The following UNC13C variants were observed in gnomAD, a reference collection of about 807,000 sequenced individuals.
The protein encoded by UNC13C is unc-13 homolog C.
Under a neutral mutation model 245.4 loss-of-function variants are expected in UNC13C, and 174 were observed. The ratio of observed to expected loss-of-function variants is 0.71; its 90% CI spans 0.63 to 0.80. UNC13C has a LOEUF of 0.80. Ranked by LOEUF, UNC13C falls within the 30% of genes least tolerant of loss-of-function variation. The probability of loss-of-function intolerance (pLI) is 0.00; values close to 1 mark genes in which losing one functional copy is unlikely to be tolerated. For synonymous variants in UNC13C, 992 were observed against 895.1 expected, an observed-to-expected ratio of 1.11 and a Z score of -1.93; for missense variants, 2,829 against 2,602.9, an observed-to-expected ratio of 1.09 and a Z score of -1.89.
intron 30 of UNC13C, among the ~76,000 whole-genome samples, chr15:54,607,861 G>A (rs193192752): frequency 9.2e-5 from 14 of 152,236 alleles, no homozygotes; most frequent in South Asian, 4.1e-4. Context: ...CCTCCCACCC[G>A]TTCCCTCCCC....
rs544611904 is a variant in UNC13C, at chr15:54,343,895, A to G, written c.4713+5406A>G. 4.1e-3 allele frequency among the ~76,000 whole-genome samples: 621 copies of G among 152,132 alleles called. 2 individuals carry two copies. The highest frequency in any genetic ancestry group is 8.9e-3 in the South Asian group (43 of 4,810). On this transcript the variant is annotated intron_variant, in intron 17 of 32. Transcript: ENST00000260323. The stretch of plus-strand genomic sequence containing the variant: ...TTACTAAGAGTTAACATTTGGGGTA[A>G]GGGGGGGTCCTGGCTAACAGATCTG...
At chr15:54,379,085 A>G (rs2039666021) in intron 17 of UNC13C, among the ~76,000 whole-genome samples, 1 of 152,092 alleles carries the variant, frequency 6.6e-6, no homozygotes, top group East Asian at 1.9e-4. Context: ...TTAGCTTTTG[A>G]TAATTACTCT....
At chr15:54,151,613 A>C (rs570175835) in intron 4 of UNC13C, among the ~76,000 whole-genome samples, 6 of 152,122 alleles carry the variant, frequency 3.9e-5, no homozygotes, top group Non-Finnish European at 7.4e-5. Context: ...CAAGTTGCCC[A>C]GGGTGGTTTT....
chr15:54,322,215 C>A (rs73415703), intron 14 of UNC13C, 120 bp downstream of exon 14: 13,882 of 920,248 alleles, frequency 0.015, 181 homozygotes, highest in African/African-American at 0.038. Context: ...TAGGGAATAG[C>A]GTAATGGGTT....
At chr15:54,063,863 A>G (rs1897028) in intron 2 of UNC13C, among the ~76,000 whole-genome samples, 22,680 of 152,120 alleles carry the variant, frequency 0.15, 1,813 homozygotes, top group South Asian at 0.22. Flanking sequence ...GAAGGAGGGG[A>G]AAGGGCCATT....
chr15:53,941,647 T>G, the UNC13C span, among the ~76,000 whole-genome samples: 9 of 151,754 alleles, frequency 5.9e-5, no homozygotes, highest in Non-Finnish European at 1.3e-4. Context: ...GGAAGAAAAT[T>G]TGTGTAATCT....
the UNC13C span, among the ~76,000 whole-genome samples, chr15:53,879,151 T>G: frequency 6.6e-6 from 1 of 152,190 alleles, no homozygotes; most frequent in African/African-American, 2.4e-5. Context: ...CGATATTAAT[T>G]CATTCATTCA....
intron 18 of UNC13C, among the ~76,000 whole-genome samples, chr15:54,408,125 C>A (rs1249208045): frequency 7.3e-6 from 1 of 137,810 alleles, no homozygotes; most frequent in Non-Finnish European, 1.5e-5. Flanking sequence ...GGCATGAACC[C>A]GAGAGGCGGA....
intron 12 of UNC13C, among the ~76,000 whole-genome samples, chr15:54,299,764 G>T (rs1265904364): frequency 1.3e-5 from 2 of 152,102 alleles, no homozygotes; most frequent in Non-Finnish European, 2.9e-5. Context: ...CCTCTCAGCT[G>T]CAGTGTAATA....
chr15:53,907,058 T>C, the UNC13C span, among the ~76,000 whole-genome samples: 1 of 152,154 alleles, frequency 6.6e-6, no homozygotes, highest in Non-Finnish European at 1.5e-5. Context: ...GGGACACAGA[T>C]CCAAACCATA....
intron 2 of UNC13C, among the ~76,000 whole-genome samples, chr15:54,118,904 T>G (rs2030467714): frequency 6.7e-6 from 1 of 149,560 alleles, no homozygotes; most frequent in Non-Finnish European, 1.5e-5. Flanking sequence ...ATCTTACGGT[T>G]TTTTTTTTTT....
intron 29 of UNC13C, among the ~76,000 whole-genome samples, chr15:54,558,941 TCC>T (rs962939280): frequency 6.6e-6 from 1 of 151,982 alleles, no homozygotes; most frequent in African/African-American, 2.4e-5. Flanking sequence ...GACATGAGAT[TCC>T]CCTAAATGTA....
At chr15:54,290,739 C>A (rs572777630) in intron 10 of UNC13C, among the ~76,000 whole-genome samples, 1 of 152,096 alleles carries the variant, frequency 6.6e-6, no homozygotes, top group South Asian at 2.1e-4. Context: ...AAACTAGAAG[C>A]TCAAAAAAAT....
chr15:53,873,145 T>TTTC, the UNC13C span, among the ~76,000 whole-genome samples: 3 of 151,770 alleles, frequency 2.0e-5, no homozygotes, highest in East Asian at 3.9e-4. Flanking sequence ...ACGTTTTTTT[T>TTTC]TTTAGTGGCT....
At chr15:54,280,693 C>CAT (rs539072740) in intron 10 of UNC13C, among the ~76,000 whole-genome samples, 100 of 64,858 alleles carry the variant, frequency 1.5e-3, no homozygotes, top group African/African-American at 4.6e-3. Flanking sequence ...CATATATAAA[C>CAT]ATATGTATAC....
intron 2 of UNC13C, among the ~76,000 whole-genome samples, chr15:54,024,652 C>T (rs1438514641): frequency 2.0e-5 from 3 of 152,266 alleles, no homozygotes; most frequent in Middle Eastern, 3.4e-3. Flanking sequence ...GGCGCGGTGG[C>T]TCACGTCTGT....
intron 30 of UNC13C, among the ~76,000 whole-genome samples, chr15:54,617,224 A>G (rs1900499252): frequency 6.6e-6 from 1 of 152,132 alleles, no homozygotes; most frequent in Admixed American, 6.6e-5. Flanking sequence ...TAAGATAGCT[A>G]GGTCCTATAT....
At chr15:53,999,863 T>C (rs1344583706) in intron 1 of UNC13C, among the ~76,000 whole-genome samples, 1 of 152,030 alleles carries the variant, frequency 6.6e-6, no homozygotes, top group Non-Finnish European at 1.5e-5. Flanking sequence ...GATATTTCAT[T>C]CTTATTGTTT....
Position 54,475,769 on chromosome 15 carries a change from C to T in UNC13C, c.4934-18839C>T, listed in dbSNP as rs961277016. On this transcript the variant is annotated intron_variant, in intron 19 of 32. Transcript: ENST00000260323. ...TGTTAATAGTGCTGCAATAAACATA[C>T]GTGTGCATGTGTCTTTATAGCAGCA... Among the ~76,000 whole-genome samples, 156 of 121,564 alleles carry T rather than the reference C, an allele frequency of 1.3e-3. 6 individuals carry two copies. The highest frequency in any genetic ancestry group is 4.5e-3 in the African/African-American group (153 of 33,834). 79.8% of individuals were successfully genotyped at this position (121,564 alleles called of 152,430 possible).
Sources: gnomAD v4.1 joint callset for allele counts (sites outside exome capture counted in the v4.1 genomes callset) on GRCh38, gnomAD v4.1.1 for gene constraint, MANE v1.5 for transcripts, NCBI Gene and HGNC (gene_info 2026-07-23, HGNC 2026-07-21) for gene names.